Variants in NDUFAF2 observed in about 807,000 individuals in gnomAD.
NDUFAF2 encodes NADH dehydrogenase [ubiquinone] 1 alpha subcomplex assembly factor 2.
NDUFAF2 carries 13 observed loss-of-function variants against 22.8 expected under a neutral mutation model. That is an observed-to-expected ratio of 0.57 (90% CI 0.37 to 0.91). The LOEUF is 0.91. NDUFAF2 is among the 40% of genes least tolerant of loss of function. The pLI is 0.01. For missense variants in NDUFAF2, 162 were observed against 195.2 expected (o/e 0.83, Z 1.01); for synonymous variants, 53 against 64.2 (o/e 0.83, Z 0.84).
intron 1 of NDUFAF2, among the ~76,000 whole-genome samples, chr5:61,022,487 G>C (rs560456707): frequency 6.6e-6 from 1 of 152,262 alleles, no homozygotes; most frequent in African/African-American, 2.4e-5. Flanking sequence ...TTAGCTCTTT[G>C]AGGATATTAT....
chr5:61,088,045 G>A (rs1164335705), intron 2 of NDUFAF2, among the ~76,000 whole-genome samples: 1 of 152,094 alleles, frequency 6.6e-6, no homozygotes, highest in Non-Finnish European at 1.5e-5. Context: ...ATTAGGAAAA[G>A]CTCTACCATC....
chr5:61,004,098 C>T (rs1477448485), intron 1 of NDUFAF2, among the ~76,000 whole-genome samples: 2 of 151,944 alleles, frequency 1.3e-5, no homozygotes, highest in Non-Finnish European at 2.9e-5. Flanking sequence ...ATATTTGTGC[C>T]TTTATAGTCC....
intron 1 of NDUFAF2, among the ~76,000 whole-genome samples, chr5:61,005,894 C>T (rs1447853230): frequency 6.6e-6 from 1 of 152,068 alleles, no homozygotes; most frequent in Non-Finnish European, 1.5e-5. Context: ...TGTAGGTTGC[C>T]TGTTCACTCT....
chr5:61,040,736 C>T lies in NDUFAF2; in HGVS notation c.128-32389C>T, dbSNP rs748785238. 5.3e-5 allele frequency among the ~76,000 whole-genome samples: 8 copies of T among 151,888 alleles called. No individual in the cohort carries two copies. The South Asian group carries it at 6.2e-4, about 12-fold the overall frequency. On this transcript the variant is annotated intron_variant, in intron 1 of 3. Coordinates refer to ENST00000296597, the MANE Select transcript of NDUFAF2 (RefSeq NM_174889.5). ...CACAAATATATTCTTCATGAGAACACGTTAGTTTTTATTAAGTATGCATAT... is the reference window on the plus strand; with the variant it reads ...CACAAATATATTCTTCATGAGAACATGTTAGTTTTTATTAAGTATGCATAT...
intron 1 of NDUFAF2, among the ~76,000 whole-genome samples, chr5:61,015,096 T>A (rs1228300833): frequency 1.3e-5 from 2 of 152,182 alleles, no homozygotes; most frequent in Non-Finnish European, 2.9e-5. Context: ...AGGCTGACTT[T>A]TGGGACATTG....
At chr5:60,963,010 C>T (rs1019298828) in intron 1 of NDUFAF2, among the ~76,000 whole-genome samples, 4 of 151,750 alleles carry the variant, frequency 2.6e-5, no homozygotes, top group African/African-American at 4.8e-5. Flanking sequence ...CTCAGCTTCC[C>T]GAGTAGTTGG....
rs1751361108 is a variant in NDUFAF2 at position 61,005,971 on chromosome 5, T to A, written c.127+60589T>A. 2.0e-5 allele frequency among the ~76,000 whole-genome samples: 3 copies of A among 152,196 alleles called. No individual in the cohort carries two copies. The South Asian group carries it at 6.2e-4, about 31-fold the overall frequency. On this transcript the variant is annotated intron_variant, in intron 1 of 3. Transcript: ENST00000296597. ...CTAGATCCCATTTGTCAATTTTGGC[T>A]TTTGTTGCCATTGCTTTTGGTGTTT... is the stretch of plus-strand genomic sequence containing the variant.
chr5:61,074,395 T>C (rs1385137061), intron 2 of NDUFAF2, among the ~76,000 whole-genome samples: 1 of 152,140 alleles, frequency 6.6e-6, no homozygotes, highest in Non-Finnish European at 1.5e-5. Flanking sequence ...AAGATCATCC[T>C]GGCCAACATG....
At chr5:61,042,019 C>G (rs905441472) in intron 1 of NDUFAF2, among the ~76,000 whole-genome samples, 1 of 152,100 alleles carries the variant, frequency 6.6e-6, no homozygotes, top group Non-Finnish European at 1.5e-5. Flanking sequence ...ATTTGAAATC[C>G]AGGTATGACC....
At chr5:61,102,271 T>C (rs755803607) in intron 3 of NDUFAF2, among the ~76,000 whole-genome samples, 23 of 152,142 alleles carry the variant, frequency 1.5e-4, no homozygotes, top group African/African-American at 5.3e-4. Context: ...CTGTCTGACT[T>C]TAAGAATTAC....
chr5:60,995,113 G>A (rs1322584492), intron 1 of NDUFAF2, among the ~76,000 whole-genome samples: 1 of 152,072 alleles, frequency 6.6e-6, no homozygotes, highest in Non-Finnish European at 1.5e-5. Context: ...ATTTCTTTGA[G>A]TTTCCTCAAT....
At chr5:60,975,886 A>T (rs1485284577) in intron 1 of NDUFAF2, among the ~76,000 whole-genome samples, 1 of 152,176 alleles carries the variant, frequency 6.6e-6, no homozygotes, top group Non-Finnish European at 1.5e-5. Context: ...TAAGAATTGG[A>T]TTTAGCAACA....
intron 1 of NDUFAF2, among the ~76,000 whole-genome samples, chr5:61,011,847 A>G (rs1580094108): frequency 6.6e-6 from 1 of 152,120 alleles, no homozygotes; most frequent in East Asian, 1.9e-4. Context: ...TGCCTGGCAC[A>G]TTAAATAGGT....
At chr5:61,071,661 A>G (rs1431783977) in intron 1 of NDUFAF2, among the ~76,000 whole-genome samples, 1 of 152,190 alleles carries the variant, frequency 6.6e-6, no homozygotes, top group Non-Finnish European at 1.5e-5. Context: ...AGAAAGGAGT[A>G]TTTTGTAAGG....
chr5:60,977,251 G>A (rs920154730), intron 1 of NDUFAF2, among the ~76,000 whole-genome samples: 5 of 151,798 alleles, frequency 3.3e-5, no homozygotes, highest in African/African-American at 9.7e-5. Flanking sequence ...AACAGAGTGA[G>A]ACCCCATCTC....
intron 1 of NDUFAF2, among the ~76,000 whole-genome samples, chr5:61,053,039 G>T (rs1580114365): frequency 6.6e-6 from 1 of 152,148 alleles, no homozygotes; most frequent in East Asian, 1.9e-4. Flanking sequence ...CACTTCATTG[G>T]CATGAGCCAT....
chr5:61,099,021 C>G lies in NDUFAF2; in HGVS notation c.247C>G (p.Pro83Ala), dbSNP rs1283656229. Residue 83 changes from proline to alanine, a missense_variant, in exon 3 of 4, where the codon CCT (proline) becomes GCT (alanine). By Grantham distance (27) the Pro-to-Ala change is conservative (BLOSUM62 -1). Around this residue, in one of 2 missense-constraint regions of NDUFAF2, gnomAD observed 68 missense variants for 110.0 expected, o/e 0.62. Transcript: ENST00000296597. Reference protein sequence around the residue: ...AWIRRTRKTPPTMEEILKNEK... With the variant: ...AWIRRTRKTPATMEEILKNEK... ...GATTAGAAGAACAAGAAAGACTCCA[C>G]CTACTATGGAGGTAAGACTACACAA... 1 of 1,598,758 alleles carries G rather than the reference C, an allele frequency of 6.3e-7. No individual in the cohort carries two copies. Among genetic ancestry groups the G allele is most frequent in the Non-Finnish European group, 8.6e-7 (1 of 1,168,672 alleles).
intron 2 of NDUFAF2, among the ~76,000 whole-genome samples, chr5:61,075,198 C>T (rs1320017665): frequency 6.6e-6 from 1 of 152,160 alleles, no homozygotes; most frequent in Non-Finnish European, 1.5e-5. Flanking sequence ...ACAGTAGACT[C>T]ATTGCTTCTT....
At position 61,011,610 on chromosome 5, in the gene NDUFAF2, C is replaced by T. The variant is rs1028313289; in HGVS notation, c.128-61515C>T. ...CATCATTTTCAGTGGTTTCCTTTTT[C>T]ATTTCATAGCTTCTGAACCTGTTTC... is the stretch of plus-strand genomic sequence containing the variant. On this transcript the variant is annotated intron_variant, in intron 1 of 3. Coordinates refer to ENST00000296597, the MANE Select transcript of NDUFAF2 (RefSeq NM_174889.5). Among the ~76,000 whole-genome samples, 4 of 152,212 alleles carry T rather than the reference C, an allele frequency of 2.6e-5. No homozygotes were observed. In the South Asian group the frequency reaches 8.3e-4, roughly 32 times the overall value.
Sources: allele counts gnomAD v4.1 joint callset (sites outside exome capture counted in the v4.1 genomes callset), GRCh38; gene constraint gnomAD v4.1.1; regional missense constraint gnomAD v4.1.1; transcripts MANE v1.5; gene names NCBI Gene and HGNC (gene_info 2026-07-23, HGNC 2026-07-21).